The following B4GALT1 variants were observed in gnomAD, a reference collection of about 807,000 sequenced individuals.
B4GALT1 encodes N-acetyllactosamine synthase.
B4GALT1 carries 16 observed loss-of-function variants against 34.9 expected under a neutral mutation model. The observed-to-expected ratio is 0.46, with a 90% CI of 0.31 to 0.70. B4GALT1 has a LOEUF of 0.70. Among genes scored for constraint, B4GALT1 ranks in the 30% least tolerant of loss-of-function variants. The pLI, the probability that B4GALT1 is intolerant of heterozygous loss-of-function variation, is 0.05. For missense variants in B4GALT1, 445 were observed against 530.5 expected (o/e 0.84, Z 1.58); for synonymous variants, 221 against 218.1 (o/e 1.01, Z -0.12).
upstream of B4GALT1, among the ~76,000 whole-genome samples, chr9:33,170,132 G>C (rs1244468156): frequency 3.3e-5 from 5 of 151,634 alleles, no homozygotes; most frequent in African/African-American, 9.7e-5. Context: ...ACCATGCCCG[G>C]CTAATTTGTT....
chr9:33,176,823 G>T, the B4GALT1 span, among the ~76,000 whole-genome samples: 1 of 124,308 alleles, frequency 8.0e-6, no homozygotes, highest in Non-Finnish European at 1.7e-5. Context: ...ACCTGTACAC[G>T]TACCCCCAAA....
At chr9:33,181,423 TACACACACAC>T in the B4GALT1 span, among the ~76,000 whole-genome samples, 49 of 137,146 alleles carry the variant, frequency 3.6e-4, no homozygotes, top group East Asian at 9.3e-4. Flanking sequence ...GACCCTGTCT[TACACACACAC>T]ACACACACAC....
intron 4 of B4GALT1, among the ~76,000 whole-genome samples, chr9:33,115,725 G>A (rs1039042138): frequency 2.6e-5 from 4 of 152,212 alleles, no homozygotes; most frequent in African/African-American, 9.6e-5. Flanking sequence ...GTACAAAACG[G>A]CATGCAGCAA....
At position 33,135,193 on chromosome 9, in the gene B4GALT1, T is replaced by C. The variant is rs768474483; in HGVS notation, c.644A>G (p.Asn215Ser). Residue 215 changes from asparagine to serine, a missense_variant, in exon 2 of 6, where the codon AAC (asparagine) becomes AGC (serine). Physicochemically the swap from Asn to Ser is conservative, Grantham distance 46. Around this residue, in one of 3 missense-constraint regions of B4GALT1, gnomAD observed 349 missense variants for 395.5 expected, o/e 0.88. Coordinates refer to ENST00000379731, the MANE Select transcript of B4GALT1 (RefSeq NM_001497.4). ...TTCCACCTTCCCAGGCCTCACCTGG[T>C]TGATAACATAGATGCCATAGTCCAG... ...QQLDYGIYVI[N>S]QAGDTIFNRA... The C allele has an allele frequency of 2.5e-6, 4 of 1,613,610 alleles. No homozygotes were observed. The African/African-American group carries it at 4.0e-5, about 16-fold the overall frequency.
Position 33,113,165 on chromosome 9 carries a change from A to C in B4GALT1, c.*289T>G. 2.2e-6 allele frequency: 1 copy of C among 451,320 alleles called. No individual in the cohort carries two copies. Among genetic ancestry groups the C allele is most frequent in the South Asian group, 2.5e-5 (1 of 39,718 alleles). 28.0% of individuals were successfully genotyped at this position (451,320 alleles called of 1,614,324 possible). A position where few individuals can be genotyped will look rare whatever the true frequency, so the allele number is the denominator to read the frequency against. ...ATCACCGGGAATGTGTTCCACGGCC[A>C]CCAAATTTTGGGATGTGTACAGTTC... On this transcript the variant is annotated 3_prime_UTR_variant, in exon 6 of 6. Transcript: ENST00000379731.
chr9:33,126,662 A>ATTGTTAACATTGTTAACT, intron 2 of B4GALT1, among the ~76,000 whole-genome samples: 470 of 44,426 alleles, frequency 0.011, no homozygotes, highest in Non-Finnish European at 0.016. Context: ...TAACCATAGC[A>ATTGTTAACATTGTTAACT]ATATGGTAGC....
chr9:33,135,291 A>G lies in B4GALT1; in HGVS notation c.546T>C (p.Ile182=), dbSNP rs935089421. The change falls in exon 2 of 6, where the codon ATT becomes ATC. Residue 182 remains isoleucine (I), a synonymous_variant. Transcript: ENST00000379731. The stretch of plus-strand genomic sequence containing the variant: ...GGTGCTCCTGCCGGTTGCGGAATGG[A>G]ATGATGATGGCCACCTTGTGAGGAG... ...CVSPHKVAII[I]PFRNRQEHLK... is the part of the protein sequence containing the mutation. The G allele has an allele frequency of 1.9e-6, 3 of 1,614,004 alleles. No individual in the cohort carries two copies. Among genetic ancestry groups the G allele is most frequent in the Non-Finnish European group, 2.5e-6 (3 of 1,180,018 alleles).
downstream of B4GALT1, among the ~76,000 whole-genome samples, chr9:33,105,713 A>G (rs1380853115): frequency 6.6e-6 from 1 of 152,112 alleles, no homozygotes; most frequent in African/African-American, 2.4e-5. Flanking sequence ...TCTAAGTGCA[A>G]TCATATGATA....
At chr9:33,146,769 C>T (rs1840431892) in intron 1 of B4GALT1, among the ~76,000 whole-genome samples, 1 of 151,652 alleles carries the variant, frequency 6.6e-6, no homozygotes, top group South Asian at 2.1e-4. Flanking sequence ...TTTCAGCTCA[C>T]TGCAGCCTCT....
Position 33,167,254 on chromosome 9 carries a change from A to C in B4GALT1, c.-85T>G, listed in dbSNP as rs1310113727. On this transcript the variant is annotated 5_prime_UTR_variant, in exon 1 of 6. Transcript: ENST00000379731. ...GGCCGCCCGCCAGGCGCTGCCCCAC[A>C]GCGGCGACTAGGGGAGGGCCCGGAG... 2.1e-6 allele frequency: 3 copies of C among 1,416,858 alleles called. No homozygotes were observed. The highest frequency in any genetic ancestry group is 2.8e-6 in the Non-Finnish European group (3 of 1,087,512). 87.8% of individuals were successfully genotyped at this position (1,416,858 alleles called of 1,614,324 possible). A position where few individuals can be genotyped will look rare whatever the true frequency, so the allele number is the denominator to read the frequency against.
chr9:33,156,546 G>A (rs1247675511), intron 1 of B4GALT1, among the ~76,000 whole-genome samples: 1 of 152,218 alleles, frequency 6.6e-6, no homozygotes, highest in Non-Finnish European at 1.5e-5. Context: ...GCAGGCACAT[G>A]GTGGATGACT....
intron 2 of B4GALT1, among the ~76,000 whole-genome samples, chr9:33,123,573 G>C (rs2118074425): frequency 6.6e-6 from 1 of 152,234 alleles, no homozygotes; most frequent in Admixed American, 6.5e-5. Flanking sequence ...TAGACCCCCA[G>C]GGCTGCCCAG....
At chr9:33,105,984 G>T (rs563072787), downstream of B4GALT1, among the ~76,000 whole-genome samples, 4 of 137,152 alleles carry the variant, frequency 2.9e-5, no homozygotes, top group African/African-American at 1.1e-4. Flanking sequence ...AGCTAAAAAT[G>T]GACTTGTTGC....
upstream of B4GALT1, among the ~76,000 whole-genome samples, chr9:33,167,808 A>G (rs1378185903): frequency 6.6e-6 from 1 of 152,222 alleles, no homozygotes; most frequent in Non-Finnish European, 1.5e-5. Flanking sequence ...GAAGAGAGGC[A>G]GAAAAAGGTT....
At chr9:33,124,888 G>C (rs1840069204) in intron 2 of B4GALT1, among the ~76,000 whole-genome samples, 1 of 152,254 alleles carries the variant, frequency 6.6e-6, no homozygotes, top group Non-Finnish European at 1.5e-5. Context: ...CACAGCAGAA[G>C]AGAGTCAGGG....
chr9:33,153,382 A>C (rs1232689340), intron 1 of B4GALT1, among the ~76,000 whole-genome samples: 1 of 152,176 alleles, frequency 6.6e-6, no homozygotes, highest in East Asian at 1.9e-4. Context: ...AAGATTAGAG[A>C]AGTTAATGAA....
At chr9:33,134,798 A>G (rs1840242785) in intron 2 of B4GALT1, among the ~76,000 whole-genome samples, 1 of 152,326 alleles carries the variant, frequency 6.6e-6, no homozygotes, top group Non-Finnish European at 1.5e-5. Flanking sequence ...TAAACTTTGA[A>G]GTTACCTAAA....
At chr9:33,171,573 T>A (rs904948946), upstream of B4GALT1, among the ~76,000 whole-genome samples, 8 of 152,272 alleles carry the variant, frequency 5.3e-5, no homozygotes, top group South Asian at 2.1e-4. Flanking sequence ...CTTTTTTTTT[T>A]AGACAGGATC....
chr9:33,148,340 G>T (rs1385097409), intron 1 of B4GALT1, among the ~76,000 whole-genome samples: 1 of 152,172 alleles, frequency 6.6e-6, no homozygotes, highest in Non-Finnish European at 1.5e-5. Context: ...TAGGAAGCTG[G>T]TTAATGCTGA....
Sources: allele counts gnomAD v4.1 joint callset (sites outside exome capture counted in the v4.1 genomes callset), GRCh38; gene constraint gnomAD v4.1.1; regional missense constraint gnomAD v4.1.1; transcripts MANE v1.5; gene names NCBI Gene and HGNC (gene_info 2026-07-23, HGNC 2026-07-21).